The following HELQ variants were observed in gnomAD, a reference collection of about 807,000 sequenced individuals.
HELQ encodes the protein helicase POLQ-like.
In HELQ, 77 loss-of-function variants were observed where a neutral mutation model predicts 111.6. The observed-to-expected ratio is 0.69, with a 90% CI of 0.57 to 0.83. The LOEUF (loss-of-function observed/expected upper bound fraction) is 0.83. HELQ is among the 40% of genes least tolerant of loss of function. The pLI, the probability that HELQ is intolerant of heterozygous loss-of-function variation, is 0.00. For synonymous variants in HELQ, 438 were observed against 454.7 expected, an observed-to-expected ratio of 0.96 and a Z score of 0.47; for missense variants, 1,200 against 1,288.5, an observed-to-expected ratio of 0.93 and a Z score of 1.05.
intron 9 of HELQ, among the ~76,000 whole-genome samples, chr4:83,434,327 C>T (rs1255322873): frequency 3.9e-5 from 6 of 151,998 alleles, no homozygotes; most frequent in African/African-American, 1.4e-4. Flanking sequence ...GCCGAGACCG[C>T]ACCACTGCAC....
At chr4:83,455,120 A>G (rs1721680281) in intron 1 of HELQ, 1 of 443,790 alleles carries the variant, frequency 2.3e-6, no homozygotes, top group African/African-American at 2.0e-5. Context: ...TAAACAGCAG[A>G]TTTTATTTGT....
intron 16 of HELQ, among the ~76,000 whole-genome samples, chr4:83,417,382 T>C (rs1161321558): frequency 6.6e-6 from 1 of 152,102 alleles, no homozygotes; most frequent in East Asian, 1.9e-4. Flanking sequence ...TTTGTATTTT[T>C]AGTAAAGATG....
intron 6 of HELQ, among the ~76,000 whole-genome samples, chr4:83,441,770 CTTT>C (rs34655032): frequency 9.7e-5 from 12 of 123,844 alleles, no homozygotes; most frequent in East Asian, 2.4e-4. Flanking sequence ...AAAACTTTGT[CTTT>C]TTTTTTTTTT....
chr4:83,447,209 T>C (rs1721098837), intron 3 of HELQ, among the ~76,000 whole-genome samples, 174 bp from the exon 4 acceptor site: 1 of 152,044 alleles, frequency 6.6e-6, no homozygotes, highest in Non-Finnish European at 1.5e-5. Context: ...TCGCTGGCTG[T>C]GGTGGCACAG....
intron 5 of HELQ, among the ~76,000 whole-genome samples, chr4:83,445,082 T>C (rs1325657157): frequency 6.6e-6 from 1 of 152,140 alleles, no homozygotes. Flanking sequence ...AGATAGGATT[T>C]GGTTGCTGAT....
chr4:83,407,632 C>G, intron 17 of HELQ, 72 bp from the exon 18 acceptor site: 1 of 843,848 alleles, frequency 1.2e-6, no homozygotes, highest in Non-Finnish European at 2.0e-6. Flanking sequence ...TTACCACTGT[C>G]CATTGAACAC....
chr4:83,421,626 T>A lies in HELQ; in HGVS notation c.2886A>T (p.Gly962=), dbSNP rs1463990917. The stretch of plus-strand genomic sequence containing the variant: ...TTCCAGTGAGAAGATTTTGTATATA[T>A]CCTCGAGGCATATTAAATTTTTCAG... ...TVSEKFNMPR[G]YIQNLLTGTA... Residue 962 remains glycine (G), a synonymous_variant, in exon 15 of 18, where the codon GGA becomes GGT. Transcript: ENST00000295488. 1 of 1,613,568 alleles carries A rather than the reference T, an allele frequency of 6.2e-7. No homozygotes were observed. The highest frequency in any genetic ancestry group is 1.1e-5 in the South Asian group (1 of 91,066).
chr4:83,447,119 G>A (rs891356480), intron 3 of HELQ, 84 bp from the exon 4 acceptor site: 35 of 809,070 alleles, frequency 4.3e-5, no homozygotes, highest in South Asian at 8.1e-5. Context: ...AGGCTGAGGC[G>A]GGAAGATCAC....
chr4:83,429,835 A>C, intron 11 of HELQ, 89 bp from the exon 12 acceptor site: 2 of 707,374 alleles, frequency 2.8e-6, no homozygotes, highest in Non-Finnish European at 4.7e-6. Context: ...TCATTTCCAT[A>C]CCTCAAAGCT....
In HELQ at chr4:83,455,688, A is replaced by T; in HGVS notation, c.6T>A (p.Asp2Glu). The T allele has an allele frequency of 6.2e-7, 1 of 1,605,838 alleles. No homozygotes were observed. Among genetic ancestry groups the T allele is most frequent in the South Asian group, 1.1e-5 (1 of 91,054 alleles). Reference protein sequence around the residue: MDECGSRIRRRV... With the variant: MEECGSRIRRRV... Reference sequence around the variant, plus strand: ...GCCGGCGGATGCGGGAACCACATTCATCCATGGCAAGGACCCAGGGCCCTA... The same window carrying T: ...GCCGGCGGATGCGGGAACCACATTCTTCCATGGCAAGGACCCAGGGCCCTA... The change falls in exon 1 of 18, where the codon GAT (aspartate) becomes GAA (glutamate). Residue 2 changes from aspartate (D) to glutamate (E), a missense_variant. Around this residue, in one of 3 missense-constraint regions of HELQ, gnomAD observed 610 missense variants for 607.1 expected, o/e 1.00. Transcript: ENST00000295488.
intron 6 of HELQ, 100 bp downstream of exon 6, chr4:83,443,417 A>T (rs1720879802): frequency 1.8e-6 from 1 of 550,870 alleles, no homozygotes. Flanking sequence ...ATGCCCCTTC[A>T]CTACTCTACA....
At position 83,435,362 on chromosome 4, in the gene HELQ, T is replaced by C. The variant is rs72652760; in HGVS notation, c.2048+1496A>G. The stretch of plus-strand genomic sequence containing the variant: ...CTGGAAAAGAAAAACAGAAAATCCA[T>C]GCAGAGACAAAAATGAGCAACATTG... On this transcript the variant is annotated intron_variant, in intron 9 of 17. Transcript: ENST00000295488. 6.5e-3 allele frequency among the ~76,000 whole-genome samples: 990 copies of C among 152,074 alleles called. 5 individuals carry two copies. The highest frequency in any genetic ancestry group is 0.01 in the Non-Finnish European group (693 of 67,954).
At chr4:83,419,287 T>C (rs1297455073) in intron 15 of HELQ, among the ~76,000 whole-genome samples, 5 of 151,652 alleles carry the variant, frequency 3.3e-5, no homozygotes, top group Non-Finnish European at 5.9e-5. Context: ...CCTTGAAATA[T>C]TGAAAGTAGA....
In HELQ at chr4:83,418,454, T is replaced by C. The variant is rs138597760; in HGVS notation, c.2950-248A>G. 6.0e-3 allele frequency among the ~76,000 whole-genome samples: 908 copies of C among 152,200 alleles called. 7 individuals are homozygous for C. Among genetic ancestry groups the C allele is most frequent in the African/African-American group, 0.021 (869 of 41,522 alleles). The stretch of plus-strand genomic sequence containing the variant: ...TTGAAAAATAAGTCAATAAAAAGAG[T>C]TCTGGTCATTTTAATCAAAATACCT... On this transcript the variant is annotated intron_variant, in intron 15 of 17. Transcript: ENST00000295488.
chr4:83,429,499 C>A, intron 12 of HELQ, 25 bp downstream of exon 12: 1 of 1,429,688 alleles, frequency 7.0e-7, no homozygotes, highest in Non-Finnish European at 9.7e-7. Flanking sequence ...TTCCTATGAT[C>A]AATAAGATTT....
chr4:83,454,401 G>T (rs1380259125), intron 1 of HELQ, among the ~76,000 whole-genome samples: 10 of 151,998 alleles, frequency 6.6e-5, no homozygotes, highest in Non-Finnish European at 1.5e-5. Context: ...CGATGATACT[G>T]AGATTCTAAT....
rs562037784 is a variant in HELQ, at chr4:83,421,707, T to C, written c.2805A>G (p.Leu935=). 42 of 1,613,576 alleles carry C rather than the reference T, an allele frequency of 2.6e-5. No individual in the cohort carries two copies. Among genetic ancestry groups the C allele is most frequent in the African/African-American group, 1.6e-4 (12 of 75,030 alleles). The stretch of plus-strand genomic sequence containing the variant: ...AGGTATAAAGAACAAAAGACAGATA[T>C]AGCCTGTTGACAACGTTCTTGTCCA... ...KKVDKNVVNR[L]YLSFVLYTLL... Residue 935 remains leucine, a synonymous_variant, in exon 15 of 18, where the codon CTA becomes CTG. Coordinates refer to ENST00000295488, the MANE Select transcript of HELQ (RefSeq NM_133636.5).
intron 14 of HELQ, among the ~76,000 whole-genome samples, chr4:83,424,890 G>C (rs549674021): frequency 5.9e-5 from 9 of 152,216 alleles, no homozygotes; most frequent in Admixed American, 5.2e-4. Flanking sequence ...TGATGCATGG[G>C]ACACTGCACC....
chr4:83,453,358 TAGG>T lies in HELQ; in HGVS notation c.882_884del (p.Leu295del). The T allele has an allele frequency of 6.2e-7, 1 of 1,612,748 alleles. No individual in the cohort carries two copies. ...TCTTAGCAACATTAATTTCCTCAGA[TAGG>T]AGAGTGTCTTTGAGCTGTTTACTTC... On this transcript the variant is annotated inframe_deletion, in exon 2 of 18. Transcript: ENST00000295488.
Sources: allele counts gnomAD v4.1 joint callset (sites outside exome capture counted in the v4.1 genomes callset), GRCh38; gene constraint gnomAD v4.1.1; regional missense constraint gnomAD v4.1.1; transcripts MANE v1.5; gene names NCBI Gene and HGNC (gene_info 2026-07-23, HGNC 2026-07-21).